CEP83: variants seen among roughly 807,000 people sequenced by gnomAD.
CEP83 encodes the protein centrosomal protein of 83 kDa.
In CEP83, 70 loss-of-function variants were observed where a neutral mutation model predicts 101.9. The observed-to-expected ratio is 0.69, with a 90% CI of 0.57 to 0.84. The LOEUF (loss-of-function observed/expected upper bound fraction) is 0.84. Ranked by LOEUF, CEP83 falls within the 40% of genes least tolerant of loss-of-function variation. CEP83 has a pLI of 0.00. For missense variants in CEP83, 715 were observed against 787.2 expected (o/e 0.91, Z 1.10); for synonymous variants, 264 against 267.9 (o/e 0.99, Z 0.14).
At chr12:94,386,639 T>C (rs1407226198) in intron 6 of CEP83, among the ~76,000 whole-genome samples, 1 of 152,176 alleles carries the variant, frequency 6.6e-6, no homozygotes, top group Non-Finnish European at 1.5e-5. Flanking sequence ...CTGCCTATTT[T>C]CCAATGTCTG....
intron 2 of CEP83, among the ~76,000 whole-genome samples, chr12:94,432,746 A>C (rs2065735135): frequency 6.6e-6 from 1 of 152,184 alleles, no homozygotes; most frequent in Non-Finnish European, 1.5e-5. Flanking sequence ...GAGGACTTTA[A>C]ATGTTCCCAA....
At chr12:94,269,762 T>G in the CEP83 span, among the ~76,000 whole-genome samples, 7 of 152,260 alleles carry the variant, frequency 4.6e-5, no homozygotes, top group African/African-American at 1.7e-4. Context: ...CTCTCTACCA[T>G]AGTGCAAATC....
the CEP83 span, chr12:94,278,276 G>T: frequency 2.9e-6 from 1 of 349,728 alleles, no homozygotes; most frequent in South Asian, 2.1e-5. Context: ...TTACCAAGGT[G>T]CATTAGAATC....
intron 6 of CEP83, among the ~76,000 whole-genome samples, chr12:94,390,863 A>G (rs2062477874): frequency 6.6e-6 from 1 of 152,336 alleles, no homozygotes; most frequent in African/African-American, 2.4e-5. Flanking sequence ...AATCAAGTGG[A>G]AGAAAGGGCA....
chr12:94,302,692 T>C (rs1968584552), downstream of CEP83, among the ~76,000 whole-genome samples: 1 of 152,208 alleles, frequency 6.6e-6, no homozygotes, highest in Admixed American at 6.5e-5. Flanking sequence ...AAGTCTTGCC[T>C]GAAACCACAC....
the CEP83 span, chr12:94,282,457 G>A: frequency 8.6e-7 from 1 of 1,163,090 alleles, no homozygotes; most frequent in South Asian, 1.3e-5. Context: ...CTAGTCCCAT[G>A]GACATTCTTT....
rs761242533 is a variant in CEP83, at chr12:94,368,215, A to G, written c.1049-14T>C. The G allele has an allele frequency of 6.2e-7, 1 of 1,601,526 alleles. No homozygotes were observed. Among genetic ancestry groups the G allele is most frequent in the Non-Finnish European group, 8.5e-7 (1 of 1,173,802 alleles). ...CTGACTGTAATCCTAGTGTTTTTCA[A>G]GGAGAAAAGTGTACTATATTCAATG... On this transcript the variant is annotated splice_polypyrimidine_tract_variant and intron_variant, in intron 9 of 16. Transcript: ENST00000397809.
chr12:94,404,822 T>C (rs561720602), intron 4 of CEP83, among the ~76,000 whole-genome samples: 1 of 152,192 alleles, frequency 6.6e-6, no homozygotes, highest in Non-Finnish European at 1.5e-5. Context: ...GTCAATAACT[T>C]ATGTACCCTT....
chr12:94,427,615 C>A (rs186301738), intron 2 of CEP83, among the ~76,000 whole-genome samples: 16 of 152,290 alleles, frequency 1.1e-4, no homozygotes, highest in African/African-American at 3.6e-4. Flanking sequence ...TTCAAAAAAG[C>A]ACAGCTGCTG....
At chr12:94,322,526 G>A (rs973122722) in intron 14 of CEP83, among the ~76,000 whole-genome samples, 1 of 152,224 alleles carries the variant, frequency 6.6e-6, no homozygotes, top group Admixed American at 6.5e-5. Flanking sequence ...AGATAAGGCT[G>A]CAAAACAGCA....
chr12:94,440,872 A>G (rs1479958597), intron 1 of CEP83, among the ~76,000 whole-genome samples: 1 of 152,194 alleles, frequency 6.6e-6, no homozygotes, highest in East Asian at 1.9e-4. Flanking sequence ...CCAGAAACAA[A>G]GCCAAGTACT....
chr12:94,279,300 C>T, the CEP83 span, among the ~76,000 whole-genome samples: 797 of 152,170 alleles, frequency 5.2e-3, 3 homozygotes, highest in Non-Finnish European at 7.8e-3. Flanking sequence ...TTCCATTATC[C>T]CTGAAAAGAA....
intron 2 of CEP83, chr12:94,424,616 T>C: frequency 1.2e-6 from 2 of 1,613,404 alleles, no homozygotes; most frequent in South Asian, 2.2e-5. Flanking sequence ...ACCACTGGCC[T>C]TCAGTGCTGT....
At chr12:94,381,666 C>G (rs966402408) in intron 6 of CEP83, among the ~76,000 whole-genome samples, 9 of 152,134 alleles carry the variant, frequency 5.9e-5, no homozygotes, top group African/African-American at 2.2e-4. Context: ...AATCAAACTG[C>G]CTAGGTTTCT....
intron 6 of CEP83, among the ~76,000 whole-genome samples, chr12:94,390,213 T>C (rs1369249617): frequency 2.6e-5 from 4 of 152,134 alleles, no homozygotes; most frequent in Non-Finnish European, 5.9e-5. Context: ...CACCTCTCAG[T>C]AGGGGCCAAC....
chr12:94,293,627 CCT>C, the CEP83 span, among the ~76,000 whole-genome samples: 1 of 152,106 alleles, frequency 6.6e-6, no homozygotes, highest in Non-Finnish European at 1.5e-5. Context: ...TCCTTTTCCT[CCT>C]CTGTTTAGAG....
the CEP83 span, among the ~76,000 whole-genome samples, chr12:94,296,449 C>CTG: frequency 8.5e-5 from 13 of 152,346 alleles, no homozygotes; most frequent in South Asian, 2.7e-3. Flanking sequence ...ATGTGAGCCA[C>CTG]TGAGCCTCTC....
rs551681399 is a variant in CEP83, at chr12:94,329,754, C to T, written c.1707+1946G>A. ...GGTCATAAAACAATCCTCTGAAATC[C>T]CATTAATATTCATACACTTTTCAGT... On this transcript the variant is annotated intron_variant, in intron 14 of 16. Transcript: ENST00000397809. 5.3e-5 allele frequency among the ~76,000 whole-genome samples: 8 copies of T among 152,106 alleles called. No individual in the cohort carries two copies. In the East Asian group the frequency reaches 9.6e-4, roughly 18 times the overall value.
chr12:94,401,919 C>G (rs538597093), intron 5 of CEP83, among the ~76,000 whole-genome samples: 3 of 152,098 alleles, frequency 2.0e-5, no homozygotes, highest in Non-Finnish European at 4.4e-5. Flanking sequence ...TTATAAAAGA[C>G]GATTCTACAA....
Sources: allele counts gnomAD v4.1 joint callset (sites outside exome capture counted in the v4.1 genomes callset), GRCh38; gene constraint gnomAD v4.1.1; transcripts MANE v1.5; gene names NCBI Gene and HGNC (gene_info 2026-07-23, HGNC 2026-07-21).